The following KCNH7 variants were observed in gnomAD, a reference collection of about 807,000 sequenced individuals.
The protein encoded by KCNH7 is voltage-gated inwardly rectifying potassium channel KCNH7.
A neutral mutation model predicts 120.8 loss-of-function variants in KCNH7; 49 were observed. That is an observed-to-expected ratio of 0.41 (90% CI 0.32 to 0.51). The LOEUF is 0.51. Among genes scored for constraint, KCNH7 ranks in the 20% least tolerant of loss-of-function variants. KCNH7 has a pLI of 0.38. For synonymous variants in KCNH7, 547 were observed against 516.1 expected, an observed-to-expected ratio of 1.06 and a Z score of -0.81; for missense variants, 1,097 against 1,446.6, an observed-to-expected ratio of 0.76 and a Z score of 3.92.
chr2:162,792,422 T>C (rs1230583132), intron 2 of KCNH7, among the ~76,000 whole-genome samples: 5 of 152,044 alleles, frequency 3.3e-5, no homozygotes, highest in Non-Finnish European at 1.5e-5. Context: ...CTGGCTTTTT[T>C]TGGTTAGTAA....
chr2:162,752,983 G>GAAAAGAA (rs1559116422), intron 2 of KCNH7, among the ~76,000 whole-genome samples: 1 of 121,300 alleles, frequency 8.2e-6, no homozygotes, highest in Non-Finnish European at 1.5e-5. Flanking sequence ...GAAAAGAAAA[G>GAAAAGAA]AAAAGAAAAG....
intron 2 of KCNH7, among the ~76,000 whole-genome samples, chr2:162,809,629 G>T (rs576016535): frequency 5.2e-4 from 79 of 152,188 alleles, no homozygotes; most frequent in Non-Finnish European, 9.0e-4. Flanking sequence ...AAGACCATTG[G>T]ATCTTGCAAG....
At chr2:162,676,694 C>T (rs1003980209) in intron 2 of KCNH7, among the ~76,000 whole-genome samples, 1 of 151,418 alleles carries the variant, frequency 6.6e-6, no homozygotes. Context: ...ATGGTGCAAA[C>T]AGAAGTACCT....
At chr2:162,536,714 T>C (rs1055134779) in intron 3 of KCNH7, among the ~76,000 whole-genome samples, 1 of 152,104 alleles carries the variant, frequency 6.6e-6, no homozygotes, top group Non-Finnish European at 1.5e-5. Flanking sequence ...TTAAATACAT[T>C]ATATTATATC....
intron 2 of KCNH7, among the ~76,000 whole-genome samples, chr2:162,763,470 G>A (rs1362332863): frequency 6.6e-6 from 1 of 152,094 alleles, no homozygotes; most frequent in African/African-American, 2.4e-5. Context: ...AAGTTACACA[G>A]TGTGCTTCTT....
At chr2:162,600,006 G>A (rs143075878) in intron 2 of KCNH7, among the ~76,000 whole-genome samples, 32 of 152,124 alleles carry the variant, frequency 2.1e-4, no homozygotes, top group Middle Eastern at 3.4e-3. Context: ...TCATTTGTTT[G>A]TAATCATTTT....
At chr2:162,648,010 G>A (rs569363829) in intron 2 of KCNH7, among the ~76,000 whole-genome samples, 1 of 152,126 alleles carries the variant, frequency 6.6e-6, no homozygotes, top group African/African-American at 2.4e-5. Flanking sequence ...CATAATATTG[G>A]TTCATAAGAA....
At position 162,793,027 on chromosome 2, in the gene KCNH7, C is replaced by G. The variant is rs553900720; in HGVS notation, c.307+43510G>C. On this transcript the variant is annotated intron_variant, in intron 2 of 15. Transcript: ENST00000332142. ...GATTCTGGTATGTTGTATCTTTGTT[C>G]TTACTAGTTTTGAACAACTTTTTGA... 4.6e-5 allele frequency among the ~76,000 whole-genome samples: 7 copies of G among 152,064 alleles called. No homozygotes were observed. The South Asian group carries it at 1.5e-3, about 32-fold the overall frequency.
intron 2 of KCNH7, among the ~76,000 whole-genome samples, chr2:162,820,128 C>A (rs1685060837): frequency 6.7e-6 from 1 of 148,912 alleles, no homozygotes. Context: ...CAAATTCCGC[C>A]TCCTGGGTTC....
intron 9 of KCNH7, 38 bp downstream of exon 9, chr2:162,423,298 C>T: frequency 1.2e-6 from 2 of 1,613,906 alleles, no homozygotes; most frequent in Non-Finnish European, 1.7e-6. Context: ...CACTATAATG[C>T]CTGCGGCACT....
intron 2 of KCNH7, among the ~76,000 whole-genome samples, chr2:162,721,856 C>T (rs1687333348): frequency 6.6e-6 from 1 of 151,660 alleles, no homozygotes. Context: ...TTTAATGTTT[C>T]AATGAAGGAA....
intron 15 of KCNH7, 86 bp from the exon 16 acceptor site, chr2:162,372,181 T>C: frequency 9.1e-7 from 1 of 1,094,388 alleles, no homozygotes; most frequent in South Asian, 1.6e-5. Context: ...CTTAAGCATT[T>C]TCTTTCCTCA....
At chr2:162,509,795 A>C (rs1691005238) in intron 5 of KCNH7, among the ~76,000 whole-genome samples, 1 of 151,580 alleles carries the variant, frequency 6.6e-6, no homozygotes, top group South Asian at 2.1e-4. Flanking sequence ...AGAGGAGATA[A>C]AAGCTGTAAC....
Position 162,619,468 on chromosome 2 carries a change from A to G in KCNH7, c.308-82388T>C, listed in dbSNP as rs1023317223. On this transcript the variant is annotated intron_variant, in intron 2 of 15. Coordinates refer to ENST00000332142, the MANE Select transcript of KCNH7 (RefSeq NM_033272.4). Reference sequence around the variant, plus strand: ...CCAGGACACTCAATTGTTAAAAAAAAAAAAGAAAAAAGCCAAATCCCTTTC... The same window carrying G: ...CCAGGACACTCAATTGTTAAAAAAAGAAAAGAAAAAAGCCAAATCCCTTTC... Among the ~76,000 whole-genome samples, 10 of 152,048 alleles carry G rather than the reference A, an allele frequency of 6.6e-5. No homozygotes were observed. In the East Asian group the frequency reaches 1.5e-3, roughly 24 times the overall value.
intron 2 of KCNH7, among the ~76,000 whole-genome samples, chr2:162,628,208 A>G (rs1331288932): frequency 6.6e-6 from 1 of 152,140 alleles, no homozygotes; most frequent in Non-Finnish European, 1.5e-5. Flanking sequence ...CTACTTTGAA[A>G]TATGCCCTAA....
chr2:162,774,410 T>C (rs558162614), intron 2 of KCNH7, among the ~76,000 whole-genome samples: 1 of 152,334 alleles, frequency 6.6e-6, no homozygotes, highest in Admixed American at 6.5e-5. Flanking sequence ...CATTCATTTC[T>C]GTGTTGCTTA....
intron 2 of KCNH7, among the ~76,000 whole-genome samples, chr2:162,652,170 T>C (rs1165242634): frequency 7.2e-5 from 11 of 152,194 alleles, no homozygotes; most frequent in Non-Finnish European, 1.5e-4. Context: ...GTTTGTGATA[T>C]GGGGGAAAGA....
intron 2 of KCNH7, among the ~76,000 whole-genome samples, chr2:162,603,011 G>T (rs1250600258): frequency 6.6e-6 from 1 of 151,188 alleles, no homozygotes; most frequent in Non-Finnish European, 1.5e-5. Flanking sequence ...AATCACAGCA[G>T]GGACTACACA....
chr2:162,557,538 A>T (rs750052466), intron 2 of KCNH7, among the ~76,000 whole-genome samples: 1 of 152,218 alleles, frequency 6.6e-6, no homozygotes, highest in African/African-American at 2.4e-5. Context: ...ATATTGTTGC[A>T]GCTGTCTTTG....
Sources: allele counts gnomAD v4.1 joint callset (sites outside exome capture counted in the v4.1 genomes callset), GRCh38; gene constraint gnomAD v4.1.1; transcripts MANE v1.5; gene names NCBI Gene and HGNC (gene_info 2026-07-23, HGNC 2026-07-21).